The following DOCK8 variants were observed in gnomAD, a reference collection of about 807,000 sequenced individuals.
DOCK8 encodes the protein dedicator of cytokinesis protein 8.
In DOCK8, 141 loss-of-function variants were observed where a neutral mutation model predicts 245.6. The ratio of observed to expected loss-of-function variants is 0.57; its 90% CI spans 0.50 to 0.66. The LOEUF is 0.66. DOCK8 is among the 30% of genes least tolerant of loss of function. DOCK8 has a pLI of 0.00. For synonymous variants in DOCK8, 1,168 were observed against 970.2 expected, an observed-to-expected ratio of 1.20 and a Z score of -3.79; for missense variants, 2,965 against 2,603.4, an observed-to-expected ratio of 1.14 and a Z score of -3.02.
intron 9 of DOCK8, among the ~76,000 whole-genome samples, chr9:331,123 C>T (rs2050990035): frequency 6.6e-6 from 1 of 152,226 alleles, no homozygotes; most frequent in African/African-American, 2.4e-5. Flanking sequence ...ATTTGTTCTA[C>T]AAGCTCCTGA....
At chr9:376,837 A>T in intron 19 of DOCK8, 140 bp from the exon 20 acceptor site, 1 of 773,398 alleles carries the variant, frequency 1.3e-6, no homozygotes, top group Non-Finnish European at 2.2e-6. Flanking sequence ...CTCGGTCTGA[A>T]ACATCATGTC....
intron 8 of DOCK8, 31 bp downstream of exon 8, chr9:325,768 G>A (rs1228645278): frequency 3.2e-6 from 5 of 1,561,152 alleles, no homozygotes; most frequent in African/African-American, 1.4e-5. Flanking sequence ...CCATCCCTAA[G>A]GCACATATAT....
At chr9:357,710 G>T (rs1329248221) in intron 14 of DOCK8, among the ~76,000 whole-genome samples, 1 of 152,286 alleles carries the variant, frequency 6.6e-6, no homozygotes, top group Middle Eastern at 3.4e-3. Flanking sequence ...GAGGACAGGG[G>T]TTACTAAGGG....
intron 1 of DOCK8, among the ~76,000 whole-genome samples, chr9:224,265 A>G (rs1378290362): frequency 6.6e-6 from 1 of 152,086 alleles, no homozygotes; most frequent in Non-Finnish European, 1.5e-5. Context: ...TTTCAAAAAG[A>G]TTTTTCTCCC....
chr9:289,251 G>A (rs2048942340), intron 3 of DOCK8, among the ~76,000 whole-genome samples: 1 of 152,122 alleles, frequency 6.6e-6, no homozygotes, highest in Non-Finnish European at 1.5e-5. Flanking sequence ...TGCCTTCGGG[G>A]ATAGTTATAA....
Position 418,107 on chromosome 9 carries a change from A to G in DOCK8, c.3740A>G (p.Glu1247Gly). Reference sequence around the variant, plus strand: ...AGATACCGCACCAGTGGCTCGGATGAAGAACAAGAAGGAGCCGGTGCCATT... The same window carrying G: ...AGATACCGCACCAGTGGCTCGGATGGAGAACAAGAAGGAGCCGGTGCCATT... ...TRRYRTSGSDEEQEGAGAINQ... is the reference protein window; with the variant it reads ...TRRYRTSGSDGEQEGAGAINQ... The change falls in exon 30 of 48, where the codon GAA (glutamate) becomes GGA (glycine). Residue 1247 changes from glutamate to glycine, a missense_variant. Around this residue, in one of 3 missense-constraint regions of DOCK8, gnomAD observed 2,825 missense variants for 2,453.5 expected, o/e 1.15. Transcript: ENST00000432829. 1 of 1,614,232 alleles carries G rather than the reference A, an allele frequency of 6.2e-7. No individual in the cohort carries two copies. Among genetic ancestry groups the G allele is most frequent in the Non-Finnish European group, 8.5e-7 (1 of 1,180,042 alleles).
intron 24 of DOCK8, among the ~76,000 whole-genome samples, chr9:393,770 C>T (rs1415634813): frequency 1.3e-5 from 2 of 152,242 alleles, no homozygotes; most frequent in East Asian, 1.9e-4. Flanking sequence ...CCAGTTCTAC[C>T]AGCAGCCTAA....
At chr9:225,423 T>G (rs542932395) in intron 1 of DOCK8, among the ~76,000 whole-genome samples, 1 of 150,208 alleles carries the variant, frequency 6.7e-6, no homozygotes, top group African/African-American at 2.5e-5. Context: ...AGGGGAGGAG[T>G]GAGGAGGGAG....
intron 10 of DOCK8, among the ~76,000 whole-genome samples, chr9:332,714 G>A (rs2051079715): frequency 1.4e-5 from 2 of 143,040 alleles, no homozygotes; most frequent in East Asian, 2.1e-4. Context: ...CTGGAGTGCT[G>A]GAGTGCAATC....
At chr9:330,458 C>G (rs891641764) in intron 9 of DOCK8, among the ~76,000 whole-genome samples, 1 of 152,210 alleles carries the variant, frequency 6.6e-6, no homozygotes, top group East Asian at 1.9e-4. Context: ...AAAAAAACAA[C>G]TTGGCATTCA....
chr9:358,830 C>A (rs1211927427), intron 14 of DOCK8, among the ~76,000 whole-genome samples: 3 of 152,170 alleles, frequency 2.0e-5, no homozygotes, highest in Non-Finnish European at 4.4e-5. Flanking sequence ...GCCTGGGTGA[C>A]AGAGGGAGAC....
rs1479654770 is a variant in DOCK8 at position 396,840 on chromosome 9, G to A, written c.3026G>A (p.Arg1009Lys). ...ATGGACAAACGGGACAGTTTTCGGA[G>A]GACTCGTTTTTCTGACCGTTTCATG... ...HNMDKRDSFR[R>K]TRFSDRFMDD... Residue 1009 changes from arginine to lysine, a missense_variant, in exon 25 of 48, where the codon AGG becomes AAG. Physicochemically the swap from Arg to Lys is conservative, Grantham distance 26 (BLOSUM62 2). Coordinates refer to ENST00000432829, the MANE Select transcript of DOCK8 (RefSeq NM_203447.4). 2 of 1,614,052 alleles carry A rather than the reference G, an allele frequency of 1.2e-6. No homozygotes were observed. Among genetic ancestry groups the A allele is most frequent in the East Asian group, 4.5e-5 (2 of 44,882 alleles).
chr9:335,875 A>T (rs994013557), intron 11 of DOCK8, among the ~76,000 whole-genome samples: 2 of 152,226 alleles, frequency 1.3e-5, no homozygotes. Context: ...AGATACTCAA[A>T]GACGGGTTGG....
At chr9:304,143 G>A (rs142508579) in intron 4 of DOCK8, among the ~76,000 whole-genome samples, 32 of 152,106 alleles carry the variant, frequency 2.1e-4, no homozygotes, top group African/African-American at 7.0e-4. Flanking sequence ...ACCATGTCCC[G>A]CCTGCTTTAT....
chr9:327,957 T>C (rs2296826), intron 8 of DOCK8, 65 bp from the exon 9 acceptor site: 1 of 1,521,756 alleles, frequency 6.6e-7, no homozygotes, highest in African/African-American at 1.4e-5. Context: ...TTACTCCTTT[T>C]TAACATGTTT....
chr9:221,513 T>C (rs7852548), intron 1 of DOCK8, among the ~76,000 whole-genome samples: 5,188 of 152,210 alleles, frequency 0.034, 136 homozygotes, highest in South Asian at 0.072. Flanking sequence ...CTAGAGATGA[T>C]TTAAAGTATA....
chr9:454,105 G>T (rs190297984), intron 46 of DOCK8, among the ~76,000 whole-genome samples: 11 of 152,318 alleles, frequency 7.2e-5, no homozygotes, highest in African/African-American at 2.6e-4. Context: ...TTTCAGGCTG[G>T]AGCATTTGTG....
At chr9:415,003 G>T in intron 29 of DOCK8, 52 bp downstream of exon 29, 1 of 1,604,518 alleles carries the variant, frequency 6.2e-7, no homozygotes, top group Non-Finnish European at 8.5e-7. Context: ...CCTGCCAAAT[G>T]CCCCATCCGA....
chr9:458,859 G>A lies in DOCK8; in HGVS notation c.6069-4658G>A, dbSNP rs187872619. Among the ~76,000 whole-genome samples the A allele has an allele frequency of 8.9e-4, 135 of 152,190 alleles. 1 individual carries two copies. The highest frequency in any genetic ancestry group is 2.8e-3 in the African/African-American group (118 of 41,492). On this transcript the variant is annotated intron_variant, in intron 46 of 47. Coordinates refer to ENST00000432829, the MANE Select transcript of DOCK8 (RefSeq NM_203447.4). ...GATGCAGGGGGGGTGAGGGCAGCAT[G>A]ACTACTCTCTCTGTAGGAGACCTTA...
Sources: allele counts gnomAD v4.1 joint callset (sites outside exome capture counted in the v4.1 genomes callset), GRCh38; gene constraint gnomAD v4.1.1; regional missense constraint gnomAD v4.1.1; transcripts MANE v1.5; gene names NCBI Gene and HGNC (gene_info 2026-07-23, HGNC 2026-07-21).